The following NRG2 variants were observed in gnomAD, a reference collection of about 807,000 sequenced individuals.
The protein encoded by NRG2 is pro-neuregulin-2, membrane-bound isoform.
In NRG2, 27 loss-of-function variants were observed where a neutral mutation model predicts 73.9. The observed-to-expected ratio is 0.37, with a 90% CI of 0.27 to 0.50. The LOEUF (loss-of-function observed/expected upper bound fraction) is 0.50, where lower values mean the gene tolerates loss of function less well. NRG2 is among the 20% of genes least tolerant of loss of function. NRG2 has a pLI of 0.96. For synonymous variants in NRG2, 532 were observed against 541.0 expected (o/e 0.98, Z 0.23); for missense variants, 1,126 against 1,210.1 (o/e 0.93, Z 1.03).
intron 5 of NRG2, among the ~76,000 whole-genome samples, chr5:139,861,428 C>T (rs1005289693): frequency 2.0e-5 from 3 of 152,168 alleles, no homozygotes; most frequent in Admixed American, 6.5e-5. Context: ...TGGAAAAGGG[C>T]GGGAGAGCAG....
In NRG2 at chr5:139,865,305, A is replaced by C; in HGVS notation, c.1189+244T>G. 1.2e-6 allele frequency: 1 copy of C among 810,280 alleles called. No individual in the cohort carries two copies. The allele number at this position is 810,280 out of a possible 1,614,324, so 50.2% of individuals were successfully genotyped here. A position where few individuals can be genotyped will look rare whatever the true frequency, so the allele number is the denominator to read the frequency against. ...CGTTACCATTTGTATTGGCCTTGCC[A>C]CTCTGCCCCTTACCTGCAGCCCTGA... is the stretch of plus-strand genomic sequence containing the variant. On this transcript the variant is annotated intron_variant, in intron 5 of 9. Transcript: ENST00000361474. The surrounding 1 kb of genome is among the most constrained non-coding windows in gnomAD (Gnocchi z 5.2).
At position 139,982,615 on chromosome 5, in the gene NRG2, G is replaced by A. The variant is rs181507546; in HGVS notation, c.700+59755C>T. Among the ~76,000 whole-genome samples, 20 of 152,354 alleles carry A rather than the reference G, an allele frequency of 1.3e-4. No individual in the cohort carries two copies. The East Asian group carries it at 3.7e-3, about 28-fold the overall frequency. Reference sequence around the variant, plus strand: ...CAGCAGAGCGCGTCAGTCCTAGACAGCGAGTTTCCGGTTCTTTGAGAGTTG... The same window carrying A: ...CAGCAGAGCGCGTCAGTCCTAGACAACGAGTTTCCGGTTCTTTGAGAGTTG... On this transcript the variant is annotated intron_variant, in intron 1 of 9. Coordinates refer to ENST00000361474, the MANE Select transcript of NRG2 (RefSeq NM_004883.3).
At chr5:139,978,520 T>G (rs1238854754) in intron 1 of NRG2, among the ~76,000 whole-genome samples, 4 of 152,310 alleles carry the variant, frequency 2.6e-5, no homozygotes, top group African/African-American at 9.6e-5. Flanking sequence ...GTTCAACCAT[T>G]GTGGAAGTCA....
intron 1 of NRG2, among the ~76,000 whole-genome samples, chr5:139,912,007 G>A (rs761253393): frequency 3.3e-5 from 5 of 152,154 alleles, no homozygotes; most frequent in African/African-American, 9.7e-5. Context: ...CAAGGGAGCC[G>A]TGGTTCCCAG....
intron 1 of NRG2, among the ~76,000 whole-genome samples, chr5:140,030,993 A>C (rs760971276): frequency 1.3e-5 from 2 of 152,054 alleles, no homozygotes. Flanking sequence ...GGAAAAAAAA[A>C]CTCCATGTTA....
intron 1 of NRG2, among the ~76,000 whole-genome samples, chr5:139,906,256 T>A (rs1365859245): frequency 6.6e-6 from 1 of 152,128 alleles, no homozygotes; most frequent in African/African-American, 2.4e-5. Flanking sequence ...TCCGCCTGCC[T>A]CAGCCTCTCA....
Position 139,856,782 on chromosome 5 carries a change from T to A in NRG2, c.1190-1004A>T, listed in dbSNP as rs995526611. Reference sequence around the variant, plus strand: ...CTATCTGATTCACAGGCAGACCCCTTCATTCACGCACACACACCTGCACAC... The same window carrying A: ...CTATCTGATTCACAGGCAGACCCCTACATTCACGCACACACACCTGCACAC... On this transcript the variant is annotated intron_variant, in intron 5 of 9. Coordinates refer to ENST00000361474, the MANE Select transcript of NRG2 (RefSeq NM_004883.3). This position sits in a 1 kb window ranked among gnomAD's most constrained non-coding sequence, Gnocchi z 4.2. 1.3e-5 allele frequency among the ~76,000 whole-genome samples: 2 copies of A among 152,130 alleles called. No individual in the cohort carries two copies. The highest frequency in any genetic ancestry group is 6.5e-5 in the Admixed American group (1 of 15,282).
At chr5:139,881,421 G>A (rs1763519949) in intron 2 of NRG2, among the ~76,000 whole-genome samples, 1 of 152,212 alleles carries the variant, frequency 6.6e-6, no homozygotes, top group Non-Finnish European at 1.5e-5. Flanking sequence ...TGTCCTGACG[G>A]ATTCCCATGG....
chr5:140,017,167 G>T (rs1178188552), intron 1 of NRG2, among the ~76,000 whole-genome samples: 1 of 152,170 alleles, frequency 6.6e-6, no homozygotes, highest in African/African-American at 2.4e-5. Context: ...ACTCCAGAAA[G>T]ATTTAGGAAG....
rs114688721 is a variant in NRG2, at chr5:139,900,136, A to G, written c.701-12625T>C. On this transcript the variant is annotated intron_variant, in intron 1 of 9. Transcript: ENST00000361474. ...ACCATCCAGGCTCAGCTCCAATGTC[A>G]TCTCCTCTGTGAAGTCCTCCCTACA... Among the ~76,000 whole-genome samples the G allele has an allele frequency of 3.9e-3, 589 of 152,190 alleles. 3 individuals carry two copies. Among genetic ancestry groups the G allele is most frequent in the African/African-American group, 0.014 (571 of 41,510 alleles).
chr5:139,975,229 G>A lies in NRG2; in HGVS notation c.700+67141C>T, dbSNP rs369577327. Among the ~76,000 whole-genome samples the A allele has an allele frequency of 1.7e-4, 26 of 152,310 alleles. 2 individuals are homozygous for A. The highest frequency in any genetic ancestry group is 6.0e-4 in the African/African-American group (25 of 41,554). ...ATCAAAATCAAGTCCAGCTTCTCTG[G>A]TGCAGTGCTTTCTGGTGAAAAGGGA... On this transcript the variant is annotated intron_variant, in intron 1 of 9. Transcript: ENST00000361474.
In NRG2 at chr5:139,848,698, C is replaced by A; in HGVS notation, c.1773-1G>T. ...GGGCGTGGTCAGGGCCGACACGTAC[C>A]TGCGGGGAGAGGCAGAGGCATGGGC... On this transcript the variant is annotated splice_acceptor_variant, in intron 9 of 9. Coordinates refer to ENST00000361474, the MANE Select transcript of NRG2 (RefSeq NM_004883.3). LOFTEE classifies it high-confidence loss of function. 7.8e-7 allele frequency: 1 copy of A among 1,286,738 alleles called. No homozygotes were observed. The highest frequency in any genetic ancestry group is 1.0e-6 in the Non-Finnish European group (1 of 996,976). 79.7% of individuals were successfully genotyped at this position (1,286,738 alleles called of 1,614,324 possible). A position where few individuals can be genotyped will look rare whatever the true frequency, so the allele number is the denominator to read the frequency against.
intron 1 of NRG2, among the ~76,000 whole-genome samples, chr5:140,021,139 TCTC>T (rs1359739777): frequency 3.9e-5 from 6 of 152,192 alleles, no homozygotes; most frequent in African/African-American, 1.4e-4. Context: ...ACAGACATCA[TCTC>T]CTCTGATCCT....
intron 1 of NRG2, among the ~76,000 whole-genome samples, chr5:139,927,547 T>C (rs140713627): frequency 0.012 from 1,858 of 152,156 alleles, 40 homozygotes; most frequent in African/African-American, 0.042. Flanking sequence ...GCGGATCACC[T>C]GAGGTTAGGA....
rs921109665 is a variant in NRG2 at position 139,904,588 on chromosome 5, C to A, written c.701-17077G>T. Among the ~76,000 whole-genome samples the A allele has an allele frequency of 6.6e-6, 1 of 152,086 alleles. No individual in the cohort carries two copies. The highest frequency in any genetic ancestry group is 2.4e-5 in the African/African-American group (1 of 41,444). On this transcript the variant is annotated intron_variant, in intron 1 of 9. Coordinates refer to ENST00000361474, the MANE Select transcript of NRG2 (RefSeq NM_004883.3). This position sits in a 1 kb window ranked among gnomAD's most constrained non-coding sequence, Gnocchi z 6.0. ...CACCCTCGCCCCCCCTCCACCGGCT[C>A]GGGCCGCGGGGGCGTGTGGGCGGCC... is the stretch of plus-strand genomic sequence containing the variant.
At chr5:139,848,765 G>GGGGC in intron 9 of NRG2, 68 bp from the exon 10 acceptor site, 1 of 652,268 alleles carries the variant, frequency 1.5e-6, no homozygotes, top group Non-Finnish European at 2.2e-6. Flanking sequence ...GGGGTTGGGG[G>GGGGC]TGGGGTAGGG....
rs1398215625 is a variant in NRG2, at chr5:139,944,652, T to C, written c.701-57141A>G. ...TATGTACCCCATTTTCTTTGTTCAC[T>C]CATCTATTGCTCGACCCCTAGGTTG... On this transcript the variant is annotated intron_variant, in intron 1 of 9. Coordinates refer to ENST00000361474, the MANE Select transcript of NRG2 (RefSeq NM_004883.3). Among the ~76,000 whole-genome samples the C allele has an allele frequency of 5.3e-5, 8 of 152,350 alleles. 1 individual carries two copies. The South Asian group carries it at 8.3e-4, about 16-fold the overall frequency.
At chr5:139,878,996 G>C (rs996091059) in intron 3 of NRG2, among the ~76,000 whole-genome samples, 8 of 152,214 alleles carry the variant, frequency 5.3e-5, no homozygotes, top group African/African-American at 1.7e-4. Context: ...GCCCCACAGA[G>C]CTCAAAGACT....
intron 1 of NRG2, among the ~76,000 whole-genome samples, chr5:139,927,238 A>G (rs773286431): frequency 3.9e-5 from 6 of 152,198 alleles, no homozygotes; most frequent in Non-Finnish European, 8.8e-5. Context: ...AGGAGACCAT[A>G]CTGGGAGTGT....
Sources: gnomAD v4.1 joint callset for allele counts (sites outside exome capture counted in the v4.1 genomes callset) on GRCh38, gnomAD v4.1.1 for gene constraint, Gnocchi (gnomAD v3.1) non-coding constraint, MANE v1.5 for transcripts, NCBI Gene and HGNC (gene_info 2026-07-23, HGNC 2026-07-21) for gene names.